The following C3orf80 variants were observed in gnomAD, a reference collection of about 807,000 sequenced individuals.
C3orf80 encodes chromosome 3 open reading frame 80, also known as uncharacterized membrane protein C3orf80.
C3orf80 carries 10 observed loss-of-function variants against 15.8 expected under a neutral mutation model. The ratio of observed to expected loss-of-function variants is 0.63; its 90% confidence interval spans 0.39 to 1.07. The LOEUF (loss-of-function observed/expected upper bound fraction) is 1.07. Ranked by LOEUF, C3orf80 falls within the 50% of genes least tolerant of loss-of-function variation. C3orf80 has a pLI of 0.01. For missense variants in C3orf80, 364 were observed against 379.3 expected, an observed-to-expected ratio of 0.96 and a Z score of 0.34; for synonymous variants, 183 against 192.0, an observed-to-expected ratio of 0.95 and a Z score of 0.39.
At position 160,225,621 on chromosome 3, in the gene C3orf80, A is replaced by G; in HGVS notation, c.-15A>G. 1 of 1,324,708 alleles carries G rather than the reference A, an allele frequency of 7.5e-7. No individual in the cohort carries two copies. The highest frequency in any genetic ancestry group is 9.6e-7 in the Non-Finnish European group (1 of 1,044,272). The allele number at this position is 1,324,708 out of a possible 1,614,324, so 82.1% of individuals were successfully genotyped here. A position where few individuals can be genotyped will look rare whatever the true frequency, so the allele number is the denominator to read the frequency against. Reference sequence around the variant, plus strand: ...AGCCTCCCGTCCCGGACGTTAGCCGAGGTCTGCGCGGGCCATGTGGGGACC... The same window carrying G: ...AGCCTCCCGTCCCGGACGTTAGCCGGGGTCTGCGCGGGCCATGTGGGGACC... On this transcript the variant is annotated 5_prime_UTR_variant, in exon 1 of 1. Transcript: ENST00000326474. The surrounding 1 kb of genome is among the most constrained non-coding windows in gnomAD (Gnocchi z 5.6).
Position 160,226,177 on chromosome 3 carries a change from A to G in C3orf80, c.542A>G (p.His181Arg). Residue 181 changes from histidine (H) to arginine (R), a missense_variant, in exon 1 of 1, where the codon CAC (histidine) becomes CGC (arginine). His to Arg is a conservative substitution (Grantham distance 29). Coordinates refer to ENST00000326474, the MANE Select transcript of C3orf80 (RefSeq NM_001168214.2). This position sits in a 1 kb window ranked among gnomAD's most constrained non-coding sequence, Gnocchi z 5.2. ...TCGGACCCCTCCTGCGCCTCAGAGCACGAGATGCGTGTAGTGTCGCCGGTC... is the reference window on the plus strand; with the variant it reads ...TCGGACCCCTCCTGCGCCTCAGAGCGCGAGATGCGTGTAGTGTCGCCGGTC... ...GRSDPSCASE[H>R]EMRVVSPVFL... The G allele has an allele frequency of 6.5e-7, 1 of 1,529,706 alleles. No individual in the cohort carries two copies. Among genetic ancestry groups the G allele is most frequent in the Non-Finnish European group, 8.7e-7 (1 of 1,144,338 alleles). 94.8% of individuals were successfully genotyped at this position (1,529,706 alleles called of 1,614,324 possible).
In C3orf80 at chr3:160,226,547, T is replaced by A; in HGVS notation, c.*168T>A. The stretch of plus-strand genomic sequence containing the variant: ...GTCTCCCTCGCGTTCTCCCGGGATC[T>A]TATGTTTCTCTGCGTTTCATTCCGT... On this transcript the variant is annotated 3_prime_UTR_variant, in exon 1 of 1. Coordinates refer to ENST00000326474, the MANE Select transcript of C3orf80 (RefSeq NM_001168214.2). The surrounding 1 kb of genome is among the most constrained non-coding windows in gnomAD (Gnocchi z 5.2). 1.4e-6 allele frequency: 1 copy of A among 693,252 alleles called. No individual in the cohort carries two copies. 42.9% of individuals were successfully genotyped at this position (693,252 alleles called of 1,614,324 possible).
At position 160,226,166 on chromosome 3, in the gene C3orf80, C is replaced by A; in HGVS notation, c.531C>A (p.Cys177Ter). The A allele has an allele frequency of 6.5e-7, 1 of 1,527,524 alleles. No individual in the cohort carries two copies. Among genetic ancestry groups the A allele is most frequent in the Non-Finnish European group, 8.7e-7 (1 of 1,143,468 alleles). The allele number at this position is 1,527,524 out of a possible 1,614,324, so 94.6% of individuals were successfully genotyped here. A position where few individuals can be genotyped will look rare whatever the true frequency, so the allele number is the denominator to read the frequency against. ...GCGGCGGGCGCTCGGACCCCTCCTG[C>A]GCCTCAGAGCACGAGATGCGTGTAG... is the stretch of plus-strand genomic sequence containing the variant. Reference protein sequence around the residue: ...RGGGGRSDPSCASEHEMRVVS... With the variant: ...RGGGGRSDPS The change falls in exon 1 of 1, where the codon TGC becomes TGA. Residue 177 changes from cysteine to a stop codon, truncating the protein, a stop_gained. Transcript: ENST00000326474. LOFTEE classifies it high-confidence loss of function. This position sits in a 1 kb window ranked among gnomAD's most constrained non-coding sequence, Gnocchi z 5.2.
Position 160,226,345 on chromosome 3 carries a change from C to T in C3orf80, c.710C>T (p.Pro237Leu). 6.7e-7 allele frequency: 1 copy of T among 1,495,812 alleles called. No individual in the cohort carries two copies. Among genetic ancestry groups the T allele is most frequent in the Non-Finnish European group, 8.9e-7 (1 of 1,127,664 alleles). 92.7% of individuals were successfully genotyped at this position (1,495,812 alleles called of 1,614,324 possible). A position where few individuals can be genotyped will look rare whatever the true frequency, so the allele number is the denominator to read the frequency against. The change falls in exon 1 of 1, where the codon CCC becomes CTC. Residue 237 changes from proline (P) to leucine (L), a missense_variant. Pro to Leu is a moderately conservative substitution (Grantham distance 98). Transcript: ENST00000326474. The surrounding 1 kb of genome is among the most constrained non-coding windows in gnomAD (Gnocchi z 5.2). ...GRPRGGVAAEPDGGEGRYPLI is the reference protein window; with the variant it reads ...GRPRGGVAAELDGGEGRYPLI ...CCTCGAGGCGGGGTCGCCGCGGAGC[C>T]CGACGGCGGCGAGGGCCGCTACCCT... is the stretch of plus-strand genomic sequence containing the variant.
In C3orf80 at chr3:160,226,441, G is replaced by A. The variant is rs1711500121; in HGVS notation, c.*62G>A. 3.5e-5 allele frequency: 48 copies of A among 1,378,804 alleles called. No individual in the cohort carries two copies. The South Asian group carries it at 4.1e-4, about 12-fold the overall frequency. 85.4% of individuals were successfully genotyped at this position (1,378,804 alleles called of 1,614,324 possible). A position where few individuals can be genotyped will look rare whatever the true frequency, so the allele number is the denominator to read the frequency against. Reference sequence around the variant, plus strand: ...CTGCGGGTGGCAAGCAACGGCCGGGGTGCCGCCGCCAACTGCCTCAGACCT... The same window carrying A: ...CTGCGGGTGGCAAGCAACGGCCGGGATGCCGCCGCCAACTGCCTCAGACCT... On this transcript the variant is annotated 3_prime_UTR_variant, in exon 1 of 1. Coordinates refer to ENST00000326474, the MANE Select transcript of C3orf80 (RefSeq NM_001168214.2). The surrounding 1 kb of genome is among the most constrained non-coding windows in gnomAD (Gnocchi z 5.2).
Position 160,226,024 on chromosome 3 carries a change from G to C in C3orf80, c.389G>C (p.Gly130Ala), listed in dbSNP as rs1725664409. 9.6e-6 allele frequency: 13 copies of C among 1,348,376 alleles called. No homozygotes were observed. The highest frequency in any genetic ancestry group is 1.9e-5 in the South Asian group (1 of 51,892). The allele number at this position is 1,348,376 out of a possible 1,614,324, so 83.5% of individuals were successfully genotyped here. A position where few individuals can be genotyped will look rare whatever the true frequency, so the allele number is the denominator to read the frequency against. Residue 130 changes from glycine to alanine, a missense_variant, in exon 1 of 1, where the codon GGG becomes GCG. By Grantham distance (60) the Gly-to-Ala change is moderately conservative (BLOSUM62 0). Transcript: ENST00000326474. This position sits in a 1 kb window ranked among gnomAD's most constrained non-coding sequence, Gnocchi z 5.2. ...CCTCCGGGGGGCGCCGGACCGCTGG[G>C]GGGCGCGGGGCCGCCCGACGACGAC... ...PGPPGGAGPL[G>A]GAGPPDDDDD...
rs1725646721 is a variant in C3orf80 at position 160,225,538 on chromosome 3, G to A, written c.-98G>A. 2 of 1,138,636 alleles carry A rather than the reference G, an allele frequency of 1.8e-6. No individual in the cohort carries two copies. The highest frequency in any genetic ancestry group is 3.7e-5 in the South Asian group (1 of 26,894). The allele number at this position is 1,138,636 out of a possible 1,614,324, so 70.5% of individuals were successfully genotyped here. ...CTGAGGCGCGGGAGGCGGCGCGCGC[G>A]GGACCCGAGCGGAGCGCCGGGGAGG... is the stretch of plus-strand genomic sequence containing the variant. On this transcript the variant is annotated 5_prime_UTR_variant, in exon 1 of 1. Transcript: ENST00000326474. The surrounding 1 kb of genome is among the most constrained non-coding windows in gnomAD (Gnocchi z 5.6).
rs562143753 is a variant in C3orf80, at chr3:160,225,603, C to T, written c.-33C>T. 143 of 1,291,118 alleles carry T rather than the reference C, an allele frequency of 1.1e-4. No individual in the cohort carries two copies. The African/African-American group carries it at 2.1e-3, about 19-fold the overall frequency. 80.0% of individuals were successfully genotyped at this position (1,291,118 alleles called of 1,614,324 possible). On this transcript the variant is annotated 5_prime_UTR_variant, in exon 1 of 1. Transcript: ENST00000326474. The surrounding 1 kb of genome is among the most constrained non-coding windows in gnomAD (Gnocchi z 5.6). Reference sequence around the variant, plus strand: ...AGGGCGGACGGACTCCCCAGCCTCCCGTCCCGGACGTTAGCCGAGGTCTGC... The same window carrying T: ...AGGGCGGACGGACTCCCCAGCCTCCTGTCCCGGACGTTAGCCGAGGTCTGC...
In C3orf80 at chr3:160,225,902, G is replaced by C. The variant is rs1046985865; in HGVS notation, c.267G>C (p.Leu89=). ...VRKLSGLLIL[L]VLFAIGYFLQ... is the part of the protein sequence containing the mutation. The stretch of plus-strand genomic sequence containing the variant: ...AGCTCTCCGGGCTGCTCATCCTGCT[G>C]GTGCTCTTCGCCATCGGCTATTTCC... Residue 89 remains leucine, a synonymous_variant, in exon 1 of 1, where the codon CTG becomes CTC. Transcript: ENST00000326474. This position sits in a 1 kb window ranked among gnomAD's most constrained non-coding sequence, Gnocchi z 5.6. 6.8e-6 allele frequency: 10 copies of C among 1,478,724 alleles called. No individual in the cohort carries two copies. Among genetic ancestry groups the C allele is most frequent in the African/African-American group, 2.9e-5 (2 of 68,496 alleles). 91.6% of individuals were successfully genotyped at this position (1,478,724 alleles called of 1,614,324 possible). A position where few individuals can be genotyped will look rare whatever the true frequency, so the allele number is the denominator to read the frequency against.
In C3orf80 at chr3:160,226,313, TGGCCGCCCTCGA is replaced by T; in HGVS notation, c.682_693del (p.Arg228_Gly231del). ...AGGTCGTGCTGCCAGTGTCGGTGCT[TGGCCGCCCTCGA>T]GGCGGGGTCGCCGCGGAGCCCGACG... On this transcript the variant is annotated inframe_deletion, in exon 1 of 1. Transcript: ENST00000326474. This position sits in a 1 kb window ranked among gnomAD's most constrained non-coding sequence, Gnocchi z 5.2. 6.6e-7 allele frequency: 1 copy of T among 1,511,126 alleles called. No homozygotes were observed. The highest frequency in any genetic ancestry group is 8.8e-7 in the Non-Finnish European group (1 of 1,135,112). The allele number at this position is 1,511,126 out of a possible 1,614,324, so 93.6% of individuals were successfully genotyped here.
chr3:160,225,885 G>A lies in C3orf80; in HGVS notation c.250G>A (p.Gly84Arg), dbSNP rs1355449932. The A allele has an allele frequency of 2.7e-6, 4 of 1,489,820 alleles. No individual in the cohort carries two copies. Among genetic ancestry groups the A allele is most frequent in the East Asian group, 2.9e-5 (1 of 34,968 alleles). The allele number at this position is 1,489,820 out of a possible 1,614,324, so 92.3% of individuals were successfully genotyped here. ...NVGWFVRKLS[G>R]LLILLVLFAI... ...GGGCTGGTTCGTCCGCAAGCTCTCC[G>A]GGCTGCTCATCCTGCTGGTGCTCTT... Residue 84 changes from glycine to arginine, a missense_variant, in exon 1 of 1, where the codon GGG (glycine) becomes AGG (arginine). Coordinates refer to ENST00000326474, the MANE Select transcript of C3orf80 (RefSeq NM_001168214.2). The surrounding 1 kb of genome is among the most constrained non-coding windows in gnomAD (Gnocchi z 5.6).
rs945425535 is a variant in C3orf80, at chr3:160,226,454, C to G, written c.*75C>G. The G allele has an allele frequency of 4.4e-6, 6 of 1,367,766 alleles. No individual in the cohort carries two copies. The African/African-American group carries it at 9.2e-5, about 21-fold the overall frequency. 84.7% of individuals were successfully genotyped at this position (1,367,766 alleles called of 1,614,324 possible). A position where few individuals can be genotyped will look rare whatever the true frequency, so the allele number is the denominator to read the frequency against. ...GCAACGGCCGGGGTGCCGCCGCCAA[C>G]TGCCTCAGACCTTATCTGGCACCCT... On this transcript the variant is annotated 3_prime_UTR_variant, in exon 1 of 1. Coordinates refer to ENST00000326474, the MANE Select transcript of C3orf80 (RefSeq NM_001168214.2). This position sits in a 1 kb window ranked among gnomAD's most constrained non-coding sequence, Gnocchi z 5.2.
Position 160,227,462 on chromosome 3 carries a change from A to T in C3orf80, c.*1083A>T, listed in dbSNP as rs900927928. On this transcript the variant is annotated 3_prime_UTR_variant, in exon 1 of 1. Coordinates refer to ENST00000326474, the MANE Select transcript of C3orf80 (RefSeq NM_001168214.2). ...AATAACTGTATGCATTATGTAGTAT[A>T]GCTTTTAATTGTATCATTCATCACA... is the stretch of plus-strand genomic sequence containing the variant. The T allele has an allele frequency of 6.6e-6, 1 of 152,256 alleles. No individual in the cohort carries two copies. The highest frequency in any genetic ancestry group is 2.4e-5 in the African/African-American group (1 of 41,470). 9.4% of individuals were successfully genotyped at this position (152,256 alleles called of 1,614,324 possible). A position where few individuals can be genotyped will look rare whatever the true frequency, so the allele number is the denominator to read the frequency against.
rs1423097570 is a variant in C3orf80, at chr3:160,227,216, C to T, written c.*837C>T. On this transcript the variant is annotated 3_prime_UTR_variant, in exon 1 of 1. Coordinates refer to ENST00000326474, the MANE Select transcript of C3orf80 (RefSeq NM_001168214.2). ...AGCAAATTCACGACAAGGTAATCGT[C>T]TTATCACTTTTTGTAGGCCATTAAT... 1.3e-5 allele frequency: 2 copies of T among 152,126 alleles called. No individual in the cohort carries two copies. The highest frequency in any genetic ancestry group is 4.8e-5 in the African/African-American group (2 of 41,428). 9.4% of individuals were successfully genotyped at this position (152,126 alleles called of 1,614,324 possible).
In C3orf80 at chr3:160,226,479, T is replaced by C. The variant is rs1234790763; in HGVS notation, c.*100T>C. On this transcript the variant is annotated 3_prime_UTR_variant, in exon 1 of 1. Transcript: ENST00000326474. The surrounding 1 kb of genome is among the most constrained non-coding windows in gnomAD (Gnocchi z 5.2). ...CTGCCTCAGACCTTATCTGGCACCCTGGCCTAACTGCCCGGCACCCCGCGA... is the reference window on the plus strand; with the variant it reads ...CTGCCTCAGACCTTATCTGGCACCCCGGCCTAACTGCCCGGCACCCCGCGA... The C allele has an allele frequency of 1.6e-6, 2 of 1,255,700 alleles. No homozygotes were observed. Among genetic ancestry groups the C allele is most frequent in the South Asian group, 1.9e-5 (1 of 53,058 alleles). The allele number at this position is 1,255,700 out of a possible 1,614,324, so 77.8% of individuals were successfully genotyped here.
At position 160,226,235 on chromosome 3, in the gene C3orf80, G is replaced by T; in HGVS notation, c.600G>T (p.Lys200Asn). 1 of 1,531,536 alleles carries T rather than the reference G, an allele frequency of 6.5e-7. No homozygotes were observed. Among genetic ancestry groups the T allele is most frequent in the Non-Finnish European group, 8.7e-7 (1 of 1,144,822 alleles). 94.9% of individuals were successfully genotyped at this position (1,531,536 alleles called of 1,614,324 possible). A position where few individuals can be genotyped will look rare whatever the true frequency, so the allele number is the denominator to read the frequency against. The part of the protein sequence containing the change: ...FLQLPSYEEV[K>N]YLPTYEESMR... ...AGCTGCCCAGCTACGAGGAGGTCAA[G>T]TATCTGCCCACCTACGAGGAGTCCA... The change falls in exon 1 of 1, where the codon AAG (lysine) becomes AAT (asparagine). Residue 200 changes from lysine to asparagine, a missense_variant. Transcript: ENST00000326474. This position sits in a 1 kb window ranked among gnomAD's most constrained non-coding sequence, Gnocchi z 5.2.
At position 160,226,360 on chromosome 3, in the gene C3orf80, G is replaced by A. The variant is rs1355180793; in HGVS notation, c.725G>A (p.Gly242Asp). 1.3e-6 allele frequency: 2 copies of A among 1,487,000 alleles called. No homozygotes were observed. The highest frequency in any genetic ancestry group is 1.8e-6 in the Non-Finnish European group (2 of 1,123,604). The allele number at this position is 1,487,000 out of a possible 1,614,324, so 92.1% of individuals were successfully genotyped here. The change falls in exon 1 of 1, where the codon GGC becomes GAC. Residue 242 changes from glycine to aspartate, a missense_variant. Transcript: ENST00000326474. This position sits in a 1 kb window ranked among gnomAD's most constrained non-coding sequence, Gnocchi z 5.2. ...GCCGCGGAGCCCGACGGCGGCGAGG[G>A]CCGCTACCCTCTTATCTGAGCGCTC... ...GVAAEPDGGE[G>D]RYPLI
At position 160,225,670 on chromosome 3, in the gene C3orf80, C is replaced by T. The variant is rs868273464; in HGVS notation, c.35C>T (p.Ser12Leu). The T allele has an allele frequency of 1.1e-5, 16 of 1,396,406 alleles. No individual in the cohort carries two copies. The Middle Eastern group carries it at 6.2e-4, about 54-fold the overall frequency. 86.5% of individuals were successfully genotyped at this position (1,396,406 alleles called of 1,614,324 possible). ...WGPGVTAEGL[S>L]VAPAPPPLLP... ...CCCGGGGTCACTGCTGAGGGCCTGT[C>T]GGTGGCTCCGGCGCCGCCGCCTCTG... Residue 12 changes from serine to leucine, a missense_variant, in exon 1 of 1, where the codon TCG becomes TTG. By Grantham distance (145) the Ser-to-Leu change is moderately radical (BLOSUM62 -2). Transcript: ENST00000326474. The surrounding 1 kb of genome is among the most constrained non-coding windows in gnomAD (Gnocchi z 5.6).
rs776278119 is a variant in C3orf80 at position 160,226,115 on chromosome 3, T to TGGC, written c.490_492dup (p.Gly164dup). 2.6e-6 allele frequency: 4 copies of TGGC among 1,517,518 alleles called. No homozygotes were observed. Among genetic ancestry groups the TGGC allele is most frequent in the South Asian group, 1.2e-5 (1 of 82,340 alleles). The allele number at this position is 1,517,518 out of a possible 1,614,324, so 94.0% of individuals were successfully genotyped here. ...GCTCTCAGGACTCACTGCTGGACAG[T>TGGC]GGCGGCGGCGGCCGGGGCCGGGGAG... On this transcript the variant is annotated inframe_insertion, in exon 1 of 1. Coordinates refer to ENST00000326474, the MANE Select transcript of C3orf80 (RefSeq NM_001168214.2). The surrounding 1 kb of genome is among the most constrained non-coding windows in gnomAD (Gnocchi z 5.2).
Sources: allele counts gnomAD v4.1 joint callset, GRCh38; gene constraint gnomAD v4.1.1; non-coding constraint Gnocchi (gnomAD v3.1); transcripts MANE v1.5; gene names NCBI Gene and HGNC (gene_info 2026-07-23, HGNC 2026-07-21).